The following NAALADL2 variants were observed in gnomAD, a reference collection of about 807,000 sequenced individuals.
NAALADL2 encodes inactive N-acetylated-alpha-linked acidic dipeptidase-like protein 2.
A neutral mutation model predicts 87.2 loss-of-function variants in NAALADL2; 76 were observed. The ratio of observed to expected loss-of-function variants is 0.87; its 90% CI spans 0.72 to 1.05. The LOEUF is 1.05. NAALADL2 is among the 50% of genes least tolerant of loss of function. The probability of loss-of-function intolerance (pLI) is 0.00; values close to 1 mark genes in which losing one functional copy is unlikely to be tolerated. For synonymous variants in NAALADL2, 354 were observed against 331.0 expected, an observed-to-expected ratio of 1.07 and a Z score of -0.75; for missense variants, 1,089 against 945.8, an observed-to-expected ratio of 1.15 and a Z score of -1.99.
In NAALADL2 at chr3:175,463,724, G is replaced by GAGAGAGAGAGAGAGAGAGAGAGAC. The variant is rs145842620; in HGVS notation, c.1327+243_1327+244insAGAGAGAGAGACAGAGAGAGAGAG. 6.2e-4 allele frequency among the ~76,000 whole-genome samples: 92 copies of GAGAGAGAGAGAGAGAGAGAGAGAC among 148,238 alleles called. 2 individuals are homozygous for GAGAGAGAGAGAGAGAGAGAGAGAC. Among genetic ancestry groups the GAGAGAGAGAGAGAGAGAGAGAGAC allele is most frequent in the African/African-American group, 2.3e-3 (89 of 38,642 alleles). ...GGGGAGAGAGAGAGAGAGAGAGAGA[G>GAGAGAGAGAGAGAGAGAGAGAGAC]AGAGAGAGAGAGGTGGGGATCTCTC... is the stretch of plus-strand genomic sequence containing the variant. On this transcript the variant is annotated intron_variant, in intron 7 of 13. Coordinates refer to ENST00000454872, the MANE Select transcript of NAALADL2 (RefSeq NM_207015.3).
intron 1 of NAALADL2, among the ~76,000 whole-genome samples, chr3:174,871,898 C>CT (rs1727869595): frequency 1.4e-5 from 2 of 143,166 alleles, no homozygotes; most frequent in African/African-American, 6.0e-5. Context: ...GACTCTGTTT[C>CT]AAAATAAATA....
rs1197992057 is a variant in NAALADL2 at position 175,471,723 on chromosome 3, G to A, written c.1618G>A (p.Val540Ile). Reference protein sequence around the residue: ...PIRGNSSLYPVASPSLQQLVV... With the variant: ...PIRGNSSLYPIASPSLQQLVV... ...AAGGGGGAACTCTAGTCTGTATCCT[G>A]TAGCATCACCATCTCTTCAGCAACT... Residue 540 changes from valine (V) to isoleucine (I), a missense_variant, in exon 9 of 14, where the codon GTA becomes ATA. Transcript: ENST00000454872. 6.2e-7 allele frequency: 1 copy of A among 1,608,484 alleles called. No homozygotes were observed. The highest frequency in any genetic ancestry group is 1.3e-5 in the African/African-American group (1 of 74,586).
intron 2 of NAALADL2, among the ~76,000 whole-genome samples, chr3:175,136,969 T>C (rs1729206827): frequency 6.6e-6 from 1 of 152,228 alleles, no homozygotes; most frequent in Non-Finnish European, 1.5e-5. Flanking sequence ...AAAAATACAC[T>C]TCTGTGTTAT....
intron 3 of NAALADL2, among the ~76,000 whole-genome samples, chr3:174,787,598 T>TGTATAC (rs1716886157): frequency 1.7e-5 from 1 of 60,182 alleles, no homozygotes; most frequent in African/African-American, 5.8e-5. Flanking sequence ...TATATATATA[T>TGTATAC]ATATATATAT....
At chr3:175,274,430 T>C (rs1450321554) in intron 4 of NAALADL2, among the ~76,000 whole-genome samples, 1 of 152,230 alleles carries the variant, frequency 6.6e-6, no homozygotes, top group Non-Finnish European at 1.5e-5. Flanking sequence ...AGACAGTCTT[T>C]TACATTTCAA....
chr3:174,446,784 T>G (rs1486007910), intron 1 of NAALADL2, among the ~76,000 whole-genome samples: 4 of 152,154 alleles, frequency 2.6e-5, no homozygotes, highest in East Asian at 3.9e-4. Context: ...AGTAAACATC[T>G]TCTGGGGCAG....
intron 2 of NAALADL2, among the ~76,000 whole-genome samples, chr3:175,105,045 T>C (rs1318896090): frequency 6.6e-6 from 1 of 152,130 alleles, no homozygotes; most frequent in Non-Finnish European, 1.5e-5. Context: ...GAATAAAGAT[T>C]GTTGACAGTG....
At chr3:175,474,653 T>G (rs1725394814) in intron 9 of NAALADL2, among the ~76,000 whole-genome samples, 1 of 152,162 alleles carries the variant, frequency 6.6e-6, no homozygotes, top group South Asian at 2.1e-4. Flanking sequence ...ATACGGCATC[T>G]CTGTCACAGT....
intron 2 of NAALADL2, among the ~76,000 whole-genome samples, chr3:174,732,438 T>C (rs1267313297): frequency 6.6e-6 from 1 of 152,146 alleles, no homozygotes; most frequent in African/African-American, 2.4e-5. Flanking sequence ...ATCCATTATA[T>C]GAAAAGGATT....
chr3:174,619,206 A>T (rs1351874969), intron 2 of NAALADL2, among the ~76,000 whole-genome samples: 1 of 151,966 alleles, frequency 6.6e-6, no homozygotes, highest in Non-Finnish European at 1.5e-5. Flanking sequence ...GAAATTGTGT[A>T]AATTTAAAAA....
intron 1 of NAALADL2, among the ~76,000 whole-genome samples, chr3:175,078,058 T>C (rs1716970349): frequency 6.6e-6 from 1 of 151,354 alleles, no homozygotes; most frequent in African/African-American, 2.4e-5. Flanking sequence ...ACAATCTCAC[T>C]CCGTCACCCA....
chr3:174,652,424 GT>G (rs1359173938), intron 2 of NAALADL2, among the ~76,000 whole-genome samples: 5 of 152,284 alleles, frequency 3.3e-5, no homozygotes, highest in Admixed American at 6.5e-5. Context: ...AAGGAAAGGG[GT>G]TTAATCGATT....
chr3:175,113,124 T>C (rs966958666), intron 2 of NAALADL2, among the ~76,000 whole-genome samples: 1 of 151,642 alleles, frequency 6.6e-6, no homozygotes, highest in African/African-American at 2.4e-5. Flanking sequence ...TAGAATTTGG[T>C]TCTGAATACC....
chr3:174,946,477 C>T (rs888761395), intron 1 of NAALADL2, among the ~76,000 whole-genome samples: 2 of 152,038 alleles, frequency 1.3e-5, no homozygotes, highest in Non-Finnish European at 2.9e-5. Context: ...AATATGATGT[C>T]GCCTATCTCA....
intron 3 of NAALADL2, among the ~76,000 whole-genome samples, chr3:174,750,297 A>C (rs1291928561): frequency 6.6e-6 from 1 of 152,174 alleles, no homozygotes; most frequent in Non-Finnish European, 1.5e-5. Flanking sequence ...AAGTTAGGAA[A>C]ATTACCTTGA....
intron 2 of NAALADL2, among the ~76,000 whole-genome samples, chr3:174,610,606 C>G (rs1351294520): frequency 2.6e-5 from 4 of 152,188 alleles, no homozygotes; most frequent in East Asian, 1.9e-4. Context: ...CAAATCAAAA[C>G]CACAATGAGA....
intron 1 of NAALADL2, among the ~76,000 whole-genome samples, chr3:174,524,929 T>C (rs1164746580): frequency 6.6e-6 from 1 of 152,156 alleles, no homozygotes; most frequent in Non-Finnish European, 1.5e-5. Flanking sequence ...ACCTTTTCTG[T>C]GTTTAGATAT....
chr3:175,540,070 C>G (rs544451760), intron 9 of NAALADL2, among the ~76,000 whole-genome samples: 1 of 152,106 alleles, frequency 6.6e-6, no homozygotes, highest in Non-Finnish European at 1.5e-5. Flanking sequence ...GGAAAATATA[C>G]GTGTTCCCGT....
At chr3:175,331,103 T>G (rs959001422) in intron 5 of NAALADL2, among the ~76,000 whole-genome samples, 2 of 151,960 alleles carry the variant, frequency 1.3e-5, no homozygotes, top group Non-Finnish European at 2.9e-5. Context: ...CAGGAAGAAA[T>G]AGAAAACCTG....
Sources: allele counts gnomAD v4.1 joint callset (sites outside exome capture counted in the v4.1 genomes callset), GRCh38; gene constraint gnomAD v4.1.1; transcripts MANE v1.5; gene names NCBI Gene and HGNC (gene_info 2026-07-23, HGNC 2026-07-21).